The following SMS variants were observed in gnomAD, a reference collection of about 807,000 sequenced individuals.
The protein encoded by SMS is spermine synthase.
Under a neutral mutation model 33.0 loss-of-function variants are expected in SMS, and 3 were observed. The observed-to-expected ratio is 0.09, with a 90% CI of 0.04 to 0.23. The LOEUF is 0.23. SMS is among the 10% of genes least tolerant of loss of function. The pLI is 1.00. For synonymous variants in SMS, 103 were observed against 112.2 expected, an observed-to-expected ratio of 0.92 and a Z score of 0.52; for missense variants, 117 against 288.6, an observed-to-expected ratio of 0.41 and a Z score of 4.31.
rs201558273 is a variant in SMS at position 21,971,897 on chromosome X, C to T, written c.171C>T (p.Ser57=). 299 of 1,171,026 alleles carry T rather than the reference C, an allele frequency of 2.6e-4. 1 individual carries two copies. Among genetic ancestry groups the T allele is most frequent in the Non-Finnish European group, 3.3e-4 (285 of 861,571 alleles). Reference sequence around the variant, plus strand: ...CTTAAAATTATATTTTCCTTTGTAGCTTTGCCAATTTGAGAATTTACCCAC... The same window carrying T: ...CTTAAAATTATATTTTCCTTTGTAGTTTTGCCAATTTGAGAATTTACCCAC... The part of the protein sequence containing the change: ...YLATYTNKNG[S]FANLRIYPHG... Residue 57 remains serine, a splice_region_variant and synonymous_variant, in exon 3 of 11, where the codon AGC becomes AGT. Coordinates refer to ENST00000404933, the MANE Select transcript of SMS (RefSeq NM_004595.5).
At chrX:21,988,655 T>A (rs1274812430) in intron 9 of SMS, among the ~76,000 whole-genome samples, 1 of 63,353 alleles carries the variant, frequency 1.6e-5, no homozygotes, top group Non-Finnish European at 2.9e-5. Flanking sequence ...AGAGGGAGAC[T>A]CTGTCTCAAA....
At chrX:21,970,280 A>T (rs1028352957) in intron 2 of SMS, among the ~76,000 whole-genome samples, 25 of 109,818 alleles carry the variant, frequency 2.3e-4, no homozygotes, top group African/African-American at 7.6e-4. Flanking sequence ...CTGCCCCCGG[A>T]CCCCAGGCAC....
intron 2 of SMS, among the ~76,000 whole-genome samples, chrX:21,967,730 T>G (rs1396012267): frequency 1.8e-5 from 2 of 112,030 alleles, no homozygotes; most frequent in African/African-American, 6.5e-5. Flanking sequence ...CAGGGAGTGG[T>G]GTGCAGACTC....
Position 21,985,165 on chromosome X carries a change from G to A in SMS, c.887G>A (p.Arg296Lys). 8.4e-7 allele frequency: 1 copy of A among 1,189,051 alleles called. No individual in the cohort carries two copies. The highest frequency in any genetic ancestry group is 1.1e-6 in the Non-Finnish European group (1 of 875,168). Reference sequence around the variant, plus strand: ...TCAGATTCCACATGGGAGTTTCTCAGACTGATTCTTGACCTCTCAATGAAA... The same window carrying A: ...TCAGATTCCACATGGGAGTTTCTCAAACTGATTCTTGACCTCTCAATGAAA... ...PEEDSTWEFL[R>K]LILDLSMKVL... Residue 296 changes from arginine (R) to lysine (K), a missense_variant, in exon 9 of 11, where the codon AGA (arginine) becomes AAA (lysine). Around this residue, in one of 3 missense-constraint regions of SMS, gnomAD observed 69 missense variants for 203.8 expected, o/e 0.34. Coordinates refer to ENST00000404933, the MANE Select transcript of SMS (RefSeq NM_004595.5).
intron 2 of SMS, among the ~76,000 whole-genome samples, chrX:21,970,522 C>A (rs923868631): frequency 2.7e-5 from 3 of 111,330 alleles, no homozygotes; most frequent in Admixed American, 1.9e-4. Flanking sequence ...AACTTGATTT[C>A]TGAGGTCACT....
chrX:21,956,690 G>A (rs1305311420), intron 1 of SMS, among the ~76,000 whole-genome samples: 2 of 110,821 alleles, frequency 1.8e-5, no homozygotes, highest in Admixed American at 9.6e-5. Flanking sequence ...GGCTGGTCTC[G>A]AACTCCTGAC....
chrX:21,976,860 T>A (rs944014430), intron 4 of SMS, among the ~76,000 whole-genome samples: 3 of 112,369 alleles, frequency 2.7e-5, no homozygotes, highest in African/African-American at 9.7e-5. Context: ...CAGGATTTTT[T>A]AAAAAGTGAA....
rs1922064792 is a variant in SMS, at chrX:21,944,541, A to AG, written c.49+3668_49+3669insG. ...TCTCTACAAAAAAAAAAAAAAAAAA[A>AG]AAAAGAAAAAAAATTAGCCAGGTGT... On this transcript the variant is annotated intron_variant, in intron 1 of 10. Transcript: ENST00000404933. 4.3e-4 allele frequency among the ~76,000 whole-genome samples: 45 copies of AG among 105,259 alleles called. 1 individual carries two copies. Among genetic ancestry groups the AG allele is most frequent in the Non-Finnish European group, 3.9e-4 (20 of 51,361 alleles). The allele number at this position is 105,259 out of a possible 115,157, so 91.4% of individuals were successfully genotyped here. A position where few individuals can be genotyped will look rare whatever the true frequency, so the allele number is the denominator to read the frequency against.
chrX:21,970,745 G>GT (rs756995067), intron 2 of SMS, among the ~76,000 whole-genome samples: 20,223 of 82,130 alleles, frequency 0.25, 2,201 homozygotes, highest in African/African-American at 0.28. Flanking sequence ...ATTATTTTTA[G>GT]TTTTTTTTTT....
intron 1 of SMS, among the ~76,000 whole-genome samples, chrX:21,957,959 GT>G (rs59565571): frequency 0.17 from 16,355 of 94,132 alleles, 2,297 homozygotes; most frequent in African/African-American, 0.46. Flanking sequence ...GGGAATATTT[GT>G]TTTTTTTTTT....
At chrX:21,983,175 G>T (rs1387776759) in intron 7 of SMS, among the ~76,000 whole-genome samples, 4 of 110,465 alleles carry the variant, frequency 3.6e-5, no homozygotes, top group Non-Finnish European at 7.6e-5. Flanking sequence ...GAGTAGCCGG[G>T]ACTACAGGCA....
chrX:21,941,039 G>A (rs893487738), intron 1 of SMS, 166 bp downstream of exon 1: 2 of 128,862 alleles, frequency 1.6e-5, no homozygotes, highest in South Asian at 3.2e-4. Flanking sequence ...GCGGGGCCGC[G>A]TGCACCGGCG....
intron 1 of SMS, among the ~76,000 whole-genome samples, chrX:21,965,306 C>T (rs1308345414): frequency 1.8e-5 from 2 of 111,278 alleles, no homozygotes; most frequent in Non-Finnish European, 3.8e-5. Flanking sequence ...GTGAAATCTT[C>T]TGATTTTTAA....
Position 21,967,089 on chromosome X carries a change from T to TTTAC in SMS, c.50-103_50-100dup, listed in dbSNP as rs72369541. ...ATTTATTTATTTATTTATTTATTTA[T>TTTAC]TTACTTATTTATTTATTTTTAAGCT... On this transcript the variant is annotated intron_variant, in intron 1 of 10. Coordinates refer to ENST00000404933, the MANE Select transcript of SMS (RefSeq NM_004595.5). 3.2e-5 allele frequency: 7 copies of TTTAC among 221,239 alleles called. No individual in the cohort carries two copies. The East Asian group carries it at 5.3e-4, about 17-fold the overall frequency. 18.2% of individuals were successfully genotyped at this position (221,239 alleles called of 1,213,427 possible).
intron 10 of SMS, among the ~76,000 whole-genome samples, chrX:21,993,428 C>G (rs1460477813): frequency 1.8e-5 from 2 of 112,656 alleles, no homozygotes; most frequent in African/African-American, 6.4e-5. Flanking sequence ...TGTGCCGCAA[C>G]ACAGCTGTGG....
Position 21,940,730 on chromosome X carries a change from A to AGC in SMS, c.-94_-93dup. On this transcript the variant is annotated 5_prime_UTR_variant, in exon 1 of 11. Transcript: ENST00000404933. The stretch of plus-strand genomic sequence containing the variant: ...TCCTAGTCCTGGCCTCCCCGGGCGC[A>AGC]GCACACTCCCAGCCGGCCGCAGCCT... The AGC allele has an allele frequency of 5.7e-6, 4 of 705,063 alleles. No individual in the cohort carries two copies. The highest frequency in any genetic ancestry group is 6.1e-6 in the Non-Finnish European group (3 of 494,965). The allele number at this position is 705,063 out of a possible 1,213,427, so 58.1% of individuals were successfully genotyped here.
chrX:21,979,953 TAAAAAA>T (rs1026415211), intron 7 of SMS, among the ~76,000 whole-genome samples: 1 of 92,561 alleles, frequency 1.1e-5, no homozygotes, highest in Non-Finnish European at 2.2e-5. Flanking sequence ...AAAATCTTAA[TAAAAAA>T]AAAAACCTTA....
chrX:21,971,810 T>C, intron 2 of SMS, 87 bp from the exon 3 acceptor site: 1 of 652,697 alleles, frequency 1.5e-6, no homozygotes, highest in Non-Finnish European at 2.5e-6. Flanking sequence ...AGTGGTCTTT[T>C]AATTGGGTGA....
intron 1 of SMS, among the ~76,000 whole-genome samples, chrX:21,945,915 G>A (rs982970451): frequency 9.0e-6 from 1 of 111,244 alleles, no homozygotes; most frequent in African/African-American, 3.3e-5. Context: ...GAGCCACCGC[G>A]CCCAGCTCAT....
Sources: gnomAD v4.1 joint callset for allele counts (sites outside exome capture counted in the v4.1 genomes callset) on GRCh38, gnomAD v4.1.1 for gene constraint, gnomAD v4.1.1 regional missense constraint, MANE v1.5 for transcripts, NCBI Gene and HGNC (gene_info 2026-07-23, HGNC 2026-07-21) for gene names.